Variants in CENPE observed in about 807,000 individuals in gnomAD.
CENPE encodes centromere-associated protein E.
CENPE carries 145 observed loss-of-function variants against 336.1 expected under a neutral mutation model. The observed-to-expected ratio is 0.43, with a 90% CI of 0.38 to 0.50. The LOEUF is 0.50. CENPE is among the 20% of genes least tolerant of loss of function. The pLI, the probability that CENPE is intolerant of heterozygous loss-of-function variation, is 0.00. For missense variants in CENPE, 2,719 were observed against 3,023.3 expected (o/e 0.90, Z 2.36); for synonymous variants, 1,013 against 984.8 (o/e 1.03, Z -0.54).
intron 24 of CENPE, among the ~76,000 whole-genome samples, chr4:103,156,104 G>A (rs1477159955): frequency 6.6e-6 from 1 of 152,080 alleles, no homozygotes; most frequent in Non-Finnish European, 1.5e-5. Context: ...AGACACAAAT[G>A]GTAAGACATC....
Position 103,140,032 on chromosome 4 carries a change from T to G in CENPE, c.5961A>C (p.Glu1987Asp). 4 of 1,612,166 alleles carry G rather than the reference T, an allele frequency of 2.5e-6. No homozygotes were observed. The highest frequency in any genetic ancestry group is 3.4e-6 in the Non-Finnish European group (4 of 1,179,010). Residue 1987 changes from glutamate to aspartate, a missense_variant, in exon 38 of 49, where the codon GAA becomes GAC. Physicochemically the swap from Glu to Asp is conservative, Grantham distance 45. Coordinates refer to ENST00000265148, the MANE Select transcript of CENPE (RefSeq NM_001813.3). ...TTTTTTTATGACTCATATTGACATC[T>G]TCTTTCACTCTAAGCAGTTGAAGTT... is the stretch of plus-strand genomic sequence containing the variant. ...KKELQLLRVK[E>D]DVNMSHKKIN...
intron 21 of CENPE, 24 bp downstream of exon 21, chr4:103,160,600 GA>G (rs1266918889): frequency 3.2e-6 from 5 of 1,578,496 alleles, no homozygotes; most frequent in Non-Finnish European, 4.3e-6. Flanking sequence ...CAAAATAAGG[GA>G]TAAGTGCTTA....
At chr4:103,178,381 C>T (rs1043546888) in intron 13 of CENPE, among the ~76,000 whole-genome samples, 2 of 152,204 alleles carry the variant, frequency 1.3e-5, no homozygotes, top group Non-Finnish European at 2.9e-5. Context: ...TCTCTGCAAA[C>T]TTATGACTCT....
intron 22 of CENPE, 29 bp from the exon 23 acceptor site, chr4:103,158,915 C>T: frequency 6.3e-7 from 1 of 1,577,278 alleles, no homozygotes. Context: ...AAATGTCACA[C>T]AGTAAAAGCA....
intron 4 of CENPE, 29 bp from the exon 5 acceptor site, chr4:103,195,262 C>A: frequency 6.4e-7 from 1 of 1,553,014 alleles, no homozygotes; most frequent in Non-Finnish European, 8.6e-7. Context: ...TATAAAAACA[C>A]CAGGAAGCAT....
intron 46 of CENPE, 52 bp from the exon 47 acceptor site, chr4:103,111,063 T>A (rs764853938): frequency 7.4e-7 from 1 of 1,342,506 alleles, no homozygotes; most frequent in East Asian, 2.4e-5. Context: ...TCTCCAAAGT[T>A]CAAAATAAAG....
intron 26 of CENPE, 54 bp downstream of exon 26, chr4:103,151,164 CA>C (rs200208602): frequency 1.5e-4 from 229 of 1,492,220 alleles, no homozygotes; most frequent in Admixed American, 3.0e-4. Context: ...TAAAAATTAC[CA>C]AAAAAAAAGT....
At chr4:103,109,537 C>T (rs1749203006) in intron 47 of CENPE, among the ~76,000 whole-genome samples, 1 of 152,136 alleles carries the variant, frequency 6.6e-6, no homozygotes, top group African/African-American at 2.4e-5. Flanking sequence ...ACAGGAGATG[C>T]CACCAGCATT....
At chr4:103,169,440 C>T (rs1456923894) in intron 16 of CENPE, among the ~76,000 whole-genome samples, 1 of 152,152 alleles carries the variant, frequency 6.6e-6, no homozygotes, top group East Asian at 1.9e-4. Flanking sequence ...GGTTACCAAT[C>T]AAATTCAATC....
At chr4:103,175,164 T>C (rs1418749255) in intron 15 of CENPE, among the ~76,000 whole-genome samples, 2 of 152,012 alleles carry the variant, frequency 1.3e-5, no homozygotes, top group Non-Finnish European at 2.9e-5. Context: ...GTAATAAAAC[T>C]GATAATTGAA....
At chr4:103,141,147 G>A in intron 35 of CENPE, 43 bp from the exon 36 acceptor site, 1 of 1,147,956 alleles carries the variant, frequency 8.7e-7, no homozygotes, top group Non-Finnish European at 1.2e-6. Flanking sequence ...GCTTTTTAGG[G>A]ACAGATAAAT....
intron 42 of CENPE, among the ~76,000 whole-genome samples, chr4:103,128,336 T>A (rs1030015566): frequency 1.3e-5 from 2 of 152,188 alleles, no homozygotes; most frequent in Non-Finnish European, 2.9e-5. Flanking sequence ...CTTCAACGCC[T>A]CTCTATCAGA....
chr4:103,164,658 T>C (rs978884785), intron 16 of CENPE, among the ~76,000 whole-genome samples: 1 of 152,182 alleles, frequency 6.6e-6, no homozygotes, highest in African/African-American at 2.4e-5. Flanking sequence ...AGGTAATCTA[T>C]CCAACATGTT....
At chr4:103,183,339 G>A (rs1472049659) in intron 9 of CENPE, 51 bp from the exon 10 acceptor site, 2 of 1,422,934 alleles carry the variant, frequency 1.4e-6, no homozygotes, top group Middle Eastern at 1.9e-4. Flanking sequence ...TTTTCTAGAT[G>A]ATAAACTTAT....
intron 39 of CENPE, among the ~76,000 whole-genome samples, chr4:103,137,984 G>T (rs1752210064): frequency 6.6e-6 from 1 of 152,110 alleles, no homozygotes; most frequent in African/African-American, 2.4e-5. Context: ...TTCATTAGCA[G>T]CTTGCCCTCT....
In CENPE at chr4:103,174,484, A is replaced by C. The variant is rs368949503; in HGVS notation, c.1647+252T>G. 9.2e-5 allele frequency among the ~76,000 whole-genome samples: 14 copies of C among 152,154 alleles called. No individual in the cohort carries two copies. In the East Asian group the frequency reaches 2.3e-3, roughly 25 times the overall value. On this transcript the variant is annotated intron_variant, in intron 16 of 48. Transcript: ENST00000265148. ...ATTTATTGTATTCTTAAAAAACATA[A>C]AATTTGTGGATACTATGTGCTATCA...
chr4:103,135,717 C>A (rs565128543), intron 40 of CENPE, among the ~76,000 whole-genome samples: 173 of 151,898 alleles, frequency 1.1e-3, no homozygotes, highest in Non-Finnish European at 1.6e-3. Context: ...CCTGTTACCA[C>A]CACCACTTAA....
chr4:103,115,833 C>T (rs1334327524), intron 45 of CENPE, among the ~76,000 whole-genome samples: 2 of 150,696 alleles, frequency 1.3e-5, no homozygotes, highest in Admixed American at 1.3e-4. Context: ...CGGGTTCACA[C>T]CATTCTCCTG....
In CENPE at chr4:103,174,889, A is replaced by T. The variant is rs1755725234; in HGVS notation, c.1494T>A (p.Ser498Arg). 1.4e-6 allele frequency: 2 copies of T among 1,472,706 alleles called. No individual in the cohort carries two copies. Among genetic ancestry groups the T allele is most frequent in the East Asian group, 5.5e-5 (2 of 36,696 alleles). The allele number at this position is 1,472,706 out of a possible 1,614,324, so 91.2% of individuals were successfully genotyped here. ...AGTCAGCACGAAGTGAGTTCAACTC[A>T]CTTTCTATATTCTCCTATTATAAAC... ...TKLLNQENIE[S>R]ELNSLRADYD... is the part of the protein sequence containing the mutation. The change falls in exon 16 of 49, where the codon AGT (serine) becomes AGA (arginine). Residue 498 changes from serine to arginine, a missense_variant. Around this residue, in one of 5 missense-constraint regions of CENPE, gnomAD observed 2,437 missense variants for 2,513.3 expected, o/e 0.97. Coordinates refer to ENST00000265148, the MANE Select transcript of CENPE (RefSeq NM_001813.3).
Sources: gnomAD v4.1 joint callset for allele counts (sites outside exome capture counted in the v4.1 genomes callset) on GRCh38, gnomAD v4.1.1 for gene constraint, gnomAD v4.1.1 regional missense constraint, MANE v1.5 for transcripts, NCBI Gene and HGNC (gene_info 2026-07-23, HGNC 2026-07-21) for gene names.